FARS2: variants seen among roughly 807,000 people sequenced by gnomAD.
The protein encoded by FARS2 is phenylalanyl-tRNA synthetase 2, mitochondrial.
In FARS2, 40 loss-of-function variants were observed where a neutral mutation model predicts 46.4. The ratio of observed to expected loss-of-function variants is 0.86; its 90% CI spans 0.67 to 1.12. The LOEUF is 1.12. Ranked by LOEUF, FARS2 falls within the 50% of genes most tolerant of loss-of-function variation. FARS2 has a pLI of 0.00. For missense variants in FARS2, 513 were observed against 567.9 expected (o/e 0.90, Z 0.98); for synonymous variants, 234 against 214.9 (o/e 1.09, Z -0.78).
chr6:5,337,548 A>T (rs1771248243), intron 1 of FARS2, among the ~76,000 whole-genome samples: 1 of 152,032 alleles, frequency 6.6e-6, no homozygotes, highest in Non-Finnish European at 1.5e-5. Flanking sequence ...AGGCCCCTTT[A>T]TGTATTTGTT....
At chr6:5,612,030 GCAGTGTGAC>G (rs1379721357) in intron 5 of FARS2, among the ~76,000 whole-genome samples, 1 of 152,218 alleles carries the variant, frequency 6.6e-6, no homozygotes, top group African/African-American at 2.4e-5. Flanking sequence ...ATTTGTCACA[GCAGTGTGAC>G]TTCAGGAGAG....
chr6:5,503,405 C>CAG (rs869089548), intron 4 of FARS2, among the ~76,000 whole-genome samples: 89 of 39,616 alleles, frequency 2.2e-3, no homozygotes, highest in South Asian at 0.012. Flanking sequence ...CACACACACA[C>CAG]AGAGAGAGAG....
At chr6:5,528,883 T>G (rs1411452376) in intron 4 of FARS2, among the ~76,000 whole-genome samples, 1 of 152,152 alleles carries the variant, frequency 6.6e-6, no homozygotes, top group African/African-American at 2.4e-5. Context: ...GTTATGAAAT[T>G]ACCATAATAA....
At chr6:5,729,352 C>T (rs1490288849) in intron 6 of FARS2, among the ~76,000 whole-genome samples, 2 of 152,156 alleles carry the variant, frequency 1.3e-5, no homozygotes, top group South Asian at 2.1e-4. Context: ...AGCCCTCCCA[C>T]GGGCACAGCA....
upstream of FARS2, among the ~76,000 whole-genome samples, chr6:5,260,143 A>C (rs185747047): frequency 1.4e-4 from 21 of 152,306 alleles, no homozygotes; most frequent in Non-Finnish European, 2.8e-4. Context: ...CATACCCTAA[A>C]TAGAATGGAT....
At chr6:5,329,731 T>C (rs1246334743) in intron 1 of FARS2, among the ~76,000 whole-genome samples, 1 of 152,214 alleles carries the variant, frequency 6.6e-6, no homozygotes, top group Non-Finnish European at 1.5e-5. Flanking sequence ...TAACAGTTTA[T>C]TATAAAGGAT....
chr6:5,339,529 A>G (rs1005935813), intron 1 of FARS2, among the ~76,000 whole-genome samples: 1 of 152,094 alleles, frequency 6.6e-6, no homozygotes, highest in Non-Finnish European at 1.5e-5. Context: ...CCTGGGCTCA[A>G]GTGATCCTCT....
intron 6 of FARS2, among the ~76,000 whole-genome samples, chr6:5,714,538 CTTA>C (rs1160979084): frequency 2.6e-5 from 4 of 152,048 alleles, no homozygotes; most frequent in South Asian, 4.1e-4. Context: ...AGAAAACAAA[CTTA>C]TTAAGTCACA....
rs549148315 is a variant in FARS2, at chr6:5,355,110, T to C, written c.-21-13440T>C. Among the ~76,000 whole-genome samples the C allele has an allele frequency of 2.0e-5, 3 of 152,268 alleles. No individual in the cohort carries two copies. In the East Asian group the frequency reaches 5.8e-4, roughly 29 times the overall value. On this transcript the variant is annotated intron_variant, in intron 1 of 6. Coordinates refer to ENST00000274680, the MANE Select transcript of FARS2 (RefSeq NM_006567.5). ...AGTAATTATTTTTAAAATATTTTAA[T>C]TTTGTATCCTACTTCCTGTAGCTCC... is the stretch of plus-strand genomic sequence containing the variant.
intron 3 of FARS2, among the ~76,000 whole-genome samples, chr6:5,429,651 A>T (rs574888469): frequency 6.6e-6 from 1 of 152,086 alleles, no homozygotes; most frequent in Non-Finnish European, 1.5e-5. Context: ...AAAGTAAAAA[A>T]AGTAGAGAAA....
intron 1 of FARS2, among the ~76,000 whole-genome samples, chr6:5,290,590 T>C (rs1381386196): frequency 6.6e-6 from 1 of 152,242 alleles, no homozygotes; most frequent in Non-Finnish European, 1.5e-5. Flanking sequence ...AGGACAAAAA[T>C]TCTAGGTTGA....
chr6:5,362,909 G>GC (rs1377503216), intron 1 of FARS2, among the ~76,000 whole-genome samples: 1 of 146,980 alleles, frequency 6.8e-6, no homozygotes, highest in African/African-American at 2.5e-5. Context: ...CAGATCCTTT[G>GC]CCCATTTTTC....
chr6:5,487,850 G>A (rs539102136), intron 4 of FARS2, among the ~76,000 whole-genome samples: 16 of 152,138 alleles, frequency 1.1e-4, no homozygotes, highest in South Asian at 2.1e-4. Context: ...ACTTGCTTAC[G>A]TCACCTGGTC....
intron 6 of FARS2, among the ~76,000 whole-genome samples, chr6:5,653,480 A>G (rs1050992241): frequency 6.6e-6 from 1 of 152,246 alleles, no homozygotes; most frequent in African/African-American, 2.4e-5. Context: ...TATAATGACG[A>G]GTAAAGCAGG....
At chr6:5,617,985 G>C (rs1334726142) in intron 6 of FARS2, among the ~76,000 whole-genome samples, 2 of 152,218 alleles carry the variant, frequency 1.3e-5, no homozygotes, top group African/African-American at 4.8e-5. Flanking sequence ...TCTAGGGCAA[G>C]GGCTGACCAG....
At chr6:5,607,331 ATTTCT>A (rs1353694801) in intron 5 of FARS2, among the ~76,000 whole-genome samples, 1 of 145,952 alleles carries the variant, frequency 6.9e-6, no homozygotes, top group East Asian at 2.0e-4. Flanking sequence ...GTGTGTGTGT[ATTTCT>A]TAAAGAAGAG....
chr6:5,369,092 G>A lies in FARS2; in HGVS notation c.522G>A (p.Val174=). The change falls in exon 2 of 7, where the codon GTG becomes GTA. Residue 174 remains valine, a synonymous_variant. Coordinates refer to ENST00000274680, the MANE Select transcript of FARS2 (RefSeq NM_006567.5). ...LHAGLDAFLV[V]GDVYRRDQID... is the part of the protein sequence containing the mutation. Reference sequence around the variant, plus strand: ...CGGGACTGGATGCCTTCCTGGTGGTGGGTGATGTCTACAGGCGTGACCAGA... The same window carrying A: ...CGGGACTGGATGCCTTCCTGGTGGTAGGTGATGTCTACAGGCGTGACCAGA... The A allele has an allele frequency of 1.2e-6, 2 of 1,613,892 alleles. No homozygotes were observed. The highest frequency in any genetic ancestry group is 1.7e-6 in the Non-Finnish European group (2 of 1,180,008).
upstream of FARS2, among the ~76,000 whole-genome samples, chr6:5,258,822 C>T (rs1764800343): frequency 6.6e-6 from 1 of 152,212 alleles, no homozygotes; most frequent in African/African-American, 2.4e-5. Flanking sequence ...GTTGCCCATA[C>T]TGAAACCCAT....
At chr6:5,638,034 T>G (rs758228734) in intron 6 of FARS2, among the ~76,000 whole-genome samples, 37 of 152,322 alleles carry the variant, frequency 2.4e-4, no homozygotes, top group Non-Finnish European at 4.3e-4. Flanking sequence ...TTTCAGTCCA[T>G]CTGACGTCCA....
Sources: allele counts gnomAD v4.1 joint callset (sites outside exome capture counted in the v4.1 genomes callset), GRCh38; gene constraint gnomAD v4.1.1; transcripts MANE v1.5; gene names NCBI Gene and HGNC (gene_info 2026-07-23, HGNC 2026-07-21).